The following LINGO2 variants were observed in gnomAD, a reference collection of about 807,000 sequenced individuals.
LINGO2 encodes the protein leucine-rich repeat and immunoglobulin-like domain-containing nogo receptor-interacting protein 2.
LINGO2 carries 14 observed loss-of-function variants against 30.6 expected under a neutral mutation model. The ratio of observed to expected loss-of-function variants is 0.46; its 90% confidence interval spans 0.30 to 0.72. The LOEUF is 0.72. LINGO2 is among the 30% of genes least tolerant of loss of function. The pLI is 0.07. For synonymous variants in LINGO2, 317 were observed against 288.5 expected (o/e 1.10, Z -1.00); for missense variants, 729 against 751.7 (o/e 0.97, Z 0.35).
chr9:28,927,537 C>T, the LINGO2 span, among the ~76,000 whole-genome samples: 2 of 152,218 alleles, frequency 1.3e-5, no homozygotes, highest in South Asian at 4.1e-4. Context: ...TTTTGGTTCT[C>T]TAAATCTATT....
At chr9:28,456,590 A>G (rs1824856267) in intron 2 of LINGO2, among the ~76,000 whole-genome samples, 1 of 152,174 alleles carries the variant, frequency 6.6e-6, no homozygotes, top group Admixed American at 6.5e-5. Flanking sequence ...ACTGTTGCAG[A>G]TGTTTTTTGA....
At chr9:28,059,268 C>G (rs1825064446) in intron 4 of LINGO2, among the ~76,000 whole-genome samples, 1 of 152,140 alleles carries the variant, frequency 6.6e-6, no homozygotes, top group Non-Finnish European at 1.5e-5. Context: ...TCCACATTCT[C>G]ACCACCTGTT....
chr9:28,525,948 C>A (rs1039465609), intron 1 of LINGO2, among the ~76,000 whole-genome samples: 1 of 147,800 alleles, frequency 6.8e-6, no homozygotes, highest in African/African-American at 2.5e-5. Flanking sequence ...CCCAGCTACT[C>A]GGGAGACTGA....
intron 1 of LINGO2, among the ~76,000 whole-genome samples, chr9:28,619,143 G>GT (rs1407307177): frequency 6.6e-6 from 1 of 152,012 alleles, no homozygotes; most frequent in African/African-American, 2.4e-5. Context: ...AAATATAGGG[G>GT]TTTTATATGG....
intron 5 of LINGO2, among the ~76,000 whole-genome samples, chr9:27,986,834 T>A (rs1264886558): frequency 5.3e-5 from 8 of 151,878 alleles, no homozygotes; most frequent in Non-Finnish European, 1.5e-5. Flanking sequence ...GGGTGGGTTA[T>A]ACAGAAAGGA....
At chr9:28,587,536 C>T (rs895669690) in intron 1 of LINGO2, among the ~76,000 whole-genome samples, 5 of 151,832 alleles carry the variant, frequency 3.3e-5, no homozygotes, top group African/African-American at 1.2e-4. Flanking sequence ...TACAGGGTGA[C>T]CTTGGCTACC....
At chr9:28,952,148 TAGAC>T in the LINGO2 span, among the ~76,000 whole-genome samples, 812 of 152,116 alleles carry the variant, frequency 5.3e-3, 7 homozygotes, top group African/African-American at 0.019. Context: ...GCAGCAGAGA[TAGAC>T]AGTCAGTGGT....
At position 28,390,613 on chromosome 9, in the gene LINGO2, A is replaced by G. The variant is rs141920383; in HGVS notation, c.-278-17745T>C. 4.3e-3 allele frequency among the ~76,000 whole-genome samples: 647 copies of G among 151,718 alleles called. 2 individuals carry two copies. The highest frequency in any genetic ancestry group is 8.0e-3 in the Non-Finnish European group (543 of 67,948). On this transcript the variant is annotated intron_variant, in intron 2 of 5. Transcript: ENST00000379992. ...AGAAAACTTCAGAATGGAGTTTACG[A>G]TCACAGCCCTTGTAGCCCTTGACAG...
At chr9:28,319,258 C>A (rs1824952208) in intron 3 of LINGO2, among the ~76,000 whole-genome samples, 1 of 152,140 alleles carries the variant, frequency 6.6e-6, no homozygotes, top group African/African-American at 2.4e-5. Context: ...TGTGGCCCCT[C>A]TCCTCCTCCA....
At chr9:29,174,223 T>A in the LINGO2 span, among the ~76,000 whole-genome samples, 1 of 152,162 alleles carries the variant, frequency 6.6e-6, no homozygotes, top group Non-Finnish European at 1.5e-5. Context: ...AAGTTTCACA[T>A]TATTTGAAAT....
At chr9:27,997,508 C>T (rs191515395) in intron 5 of LINGO2, among the ~76,000 whole-genome samples, 2 of 151,690 alleles carry the variant, frequency 1.3e-5, no homozygotes, top group Non-Finnish European at 2.9e-5. Flanking sequence ...GGGCCTCAGA[C>T]TCCTGCCTAT....
the LINGO2 span, among the ~76,000 whole-genome samples, chr9:28,934,936 T>C: frequency 6.6e-6 from 1 of 152,152 alleles, no homozygotes; most frequent in South Asian, 2.1e-4. Context: ...CTCTGTTTTC[T>C]GATATCCTGA....
chr9:28,397,125 G>A (rs1383971917), intron 2 of LINGO2, among the ~76,000 whole-genome samples: 2 of 151,772 alleles, frequency 1.3e-5, no homozygotes, highest in African/African-American at 2.4e-5. Flanking sequence ...AATAATCCTG[G>A]ACTTAATTTT....
chr9:28,717,370 G>A, the LINGO2 span, among the ~76,000 whole-genome samples: 2 of 151,538 alleles, frequency 1.3e-5, no homozygotes, highest in Admixed American at 6.6e-5. Context: ...GATGAAGGGG[G>A]GATTTTTAAA....
chr9:28,257,656 G>A lies in LINGO2; in HGVS notation c.-87+37552C>T, dbSNP rs564445996. Among the ~76,000 whole-genome samples the A allele has an allele frequency of 5.9e-5, 9 of 151,882 alleles. No homozygotes were observed. In the South Asian group the frequency reaches 1.2e-3, roughly 21 times the overall value. On this transcript the variant is annotated intron_variant, in intron 4 of 5. Transcript: ENST00000379992. ...TGAAGCTACCTTGATCTCCACCTGCGTTTCAGCAATACTCTTTGATCCACA... is the reference window on the plus strand; with the variant it reads ...TGAAGCTACCTTGATCTCCACCTGCATTTCAGCAATACTCTTTGATCCACA...
the LINGO2 span, among the ~76,000 whole-genome samples, chr9:28,730,299 G>C: frequency 6.6e-6 from 1 of 152,178 alleles, no homozygotes; most frequent in Non-Finnish European, 1.5e-5. Context: ...CCAGATGCAG[G>C]AATGTGATCA....
chr9:28,462,843 C>T (rs965241924), intron 2 of LINGO2, among the ~76,000 whole-genome samples: 1 of 151,952 alleles, frequency 6.6e-6, no homozygotes, highest in Admixed American at 6.6e-5. Context: ...TTCCAAGGAA[C>T]TATCTATTCT....
At chr9:28,669,101 A>G (rs1828917551) in intron 1 of LINGO2, among the ~76,000 whole-genome samples, 1 of 151,984 alleles carries the variant, frequency 6.6e-6, no homozygotes, top group African/African-American at 2.4e-5. Context: ...TTTAATCTAT[A>G]TTTCTGCATA....
At chr9:29,154,256 A>T in the LINGO2 span, among the ~76,000 whole-genome samples, 22 of 151,754 alleles carry the variant, frequency 1.4e-4, no homozygotes, top group African/African-American at 5.3e-4. Context: ...CCATCCTGGC[A>T]AACACACGGT....
Sources: allele counts gnomAD v4.1 joint callset (sites outside exome capture counted in the v4.1 genomes callset), GRCh38; gene constraint gnomAD v4.1.1; transcripts MANE v1.5; gene names NCBI Gene and HGNC (gene_info 2026-07-23, HGNC 2026-07-21).